Variants in SPIDR observed in about 807,000 individuals in gnomAD.
SPIDR encodes the protein scaffold protein involved in DNA repair.
A neutral mutation model predicts 104.6 loss-of-function variants in SPIDR; 93 were observed. The ratio of observed to expected loss-of-function variants is 0.89; its 90% confidence interval spans 0.75 to 1.06. The LOEUF (loss-of-function observed/expected upper bound fraction) is 1.06, where lower values mean the gene tolerates loss of function less well. SPIDR is among the 50% of genes least tolerant of loss of function. The pLI is 0.00. For missense variants in SPIDR, 1,154 were observed against 1,111.2 expected (o/e 1.04, Z -0.55); for synonymous variants, 431 against 416.9 (o/e 1.03, Z -0.41).
chr8:47,299,537 A>C (rs1586571683), intron 5 of SPIDR, among the ~76,000 whole-genome samples: 1 of 152,274 alleles, frequency 6.6e-6, no homozygotes, highest in African/African-American at 2.4e-5. Flanking sequence ...CCCGTTTTCA[A>C]AGGGAATGCT....
Position 47,700,473 on chromosome 8 carries a change from G to T in SPIDR, c.1756G>T (p.Asp586Tyr), listed in dbSNP as rs555963240. ...PAIPLKTPGR[D>Y]QPCEEIKTHL... ...GATACCTCTGAAAACACCTGGCCGC[G>T]ACCAGCCCTGTGAAGAGGTAAGCCC... is the stretch of plus-strand genomic sequence containing the variant. Residue 586 changes from aspartate to tyrosine, a missense_variant, in exon 12 of 20, where the codon GAC (aspartate) becomes TAC (tyrosine). Physicochemically the swap from Asp to Tyr is radical, Grantham distance 160. Transcript: ENST00000297423. 1 of 1,614,100 alleles carries T rather than the reference G, an allele frequency of 6.2e-7. No homozygotes were observed. Among genetic ancestry groups the T allele is most frequent in the South Asian group, 1.1e-5 (1 of 91,066 alleles).
chr8:47,593,398 A>G (rs1333479374), intron 8 of SPIDR, among the ~76,000 whole-genome samples: 1 of 150,938 alleles, frequency 6.6e-6, no homozygotes, highest in African/African-American at 2.4e-5. Flanking sequence ...ATTTTTTTTC[A>G]TTTGTCTCAA....
chr8:47,316,686 C>T (rs1475789506), intron 5 of SPIDR, among the ~76,000 whole-genome samples: 1 of 151,958 alleles, frequency 6.6e-6, no homozygotes, highest in South Asian at 2.1e-4. Context: ...GTGCTGTCTT[C>T]GATAGTGGGG....
In SPIDR at chr8:47,565,812, A is replaced by G. The variant is rs1019362874; in HGVS notation, c.1098-29999A>G. Reference sequence around the variant, plus strand: ...TGTCTCAAATTATTTAAACAATCCCATATTGTTTAACCTATATTAACAAGA... The same window carrying G: ...TGTCTCAAATTATTTAAACAATCCCGTATTGTTTAACCTATATTAACAAGA... On this transcript the variant is annotated intron_variant, in intron 8 of 19. Coordinates refer to ENST00000297423, the MANE Select transcript of SPIDR (RefSeq NM_001080394.4). Among the ~76,000 whole-genome samples, 3 of 150,176 alleles carry G rather than the reference A, an allele frequency of 2.0e-5. No individual in the cohort carries two copies. In the East Asian group the frequency reaches 5.8e-4, roughly 29 times the overall value.
chr8:47,510,968 C>T (rs1390053147), intron 8 of SPIDR: 4 of 645,662 alleles, frequency 6.2e-6, no homozygotes, highest in South Asian at 1.8e-5. Context: ...AGGGATGATC[C>T]CCATGGGGCA....
intron 8 of SPIDR, among the ~76,000 whole-genome samples, chr8:47,469,496 A>G (rs1156491567): frequency 6.6e-6 from 1 of 152,208 alleles, no homozygotes; most frequent in African/African-American, 2.4e-5. Flanking sequence ...TAGACTGAAC[A>G]AAGAAAATGT....
chr8:47,303,024 G>A (rs1244401913), intron 5 of SPIDR, among the ~76,000 whole-genome samples: 1 of 152,206 alleles, frequency 6.6e-6, no homozygotes, highest in Non-Finnish European at 1.5e-5. Context: ...GTTTTGTTTG[G>A]TTATGCCCTG....
At chr8:47,707,118 G>A (rs962363128) in intron 14 of SPIDR, among the ~76,000 whole-genome samples, 2 of 152,048 alleles carry the variant, frequency 1.3e-5, no homozygotes, top group African/African-American at 4.8e-5. Context: ...GCTGGGTATG[G>A]TGGTGCACGC....
chr8:47,421,041 C>G (rs2065353742), intron 7 of SPIDR, among the ~76,000 whole-genome samples: 1 of 152,188 alleles, frequency 6.6e-6, no homozygotes, highest in Admixed American at 6.5e-5. Context: ...CTGCCCTTAA[C>G]ATTTTTTCCT....
At chr8:47,706,415 A>G (rs2081094342) in intron 14 of SPIDR, among the ~76,000 whole-genome samples, 1 of 152,098 alleles carries the variant, frequency 6.6e-6, no homozygotes, top group African/African-American at 2.4e-5. Context: ...AACAAAAAAC[A>G]AGAAACTGAC....
chr8:47,691,795 G>A (rs908384405), intron 11 of SPIDR, among the ~76,000 whole-genome samples: 8 of 152,152 alleles, frequency 5.3e-5, no homozygotes, highest in Admixed American at 2.0e-4. Context: ...TGGGCACACC[G>A]GGGGTTACAT....
chr8:47,283,908 G>GGTAAAGGAAATCAGAGAAGAATAT (rs2154228359), intron 2 of SPIDR, 120 bp from the exon 3 acceptor site: 1 of 662,040 alleles, frequency 1.5e-6, no homozygotes, highest in East Asian at 2.6e-5. Flanking sequence ...TTGGTGAATT[G>GGTAAAGGAAATCAGAGAAGAATAT]GTAAAGGAAA....
At position 47,685,505 on chromosome 8, in the gene SPIDR, A is replaced by ATTTTT. The variant is rs201735323; in HGVS notation, c.1685+11567_1685+11568insTTTTT. 7.7e-4 allele frequency among the ~76,000 whole-genome samples: 80 copies of ATTTTT among 104,402 alleles called. 3 individuals carry two copies. The highest frequency in any genetic ancestry group is 1.2e-3 in the Non-Finnish European group (49 of 41,634). The allele number at this position is 104,402 out of a possible 152,430, so 68.5% of individuals were successfully genotyped here. On this transcript the variant is annotated intron_variant, in intron 11 of 19. Coordinates refer to ENST00000297423, the MANE Select transcript of SPIDR (RefSeq NM_001080394.4). ...TATTTATTTATTTATTTATTTATTT[A>ATTTTT]TTTATTTATTTATTTTTTTGAGACA...
At chr8:47,430,284 A>C (rs540105046) in intron 7 of SPIDR, among the ~76,000 whole-genome samples, 19 of 152,316 alleles carry the variant, frequency 1.2e-4, no homozygotes, top group African/African-American at 4.6e-4. Context: ...TGGCAGCAAG[A>C]CACAAACACC....
intron 11 of SPIDR, among the ~76,000 whole-genome samples, chr8:47,675,723 G>T (rs1464484644): frequency 6.6e-6 from 1 of 152,236 alleles, no homozygotes; most frequent in Non-Finnish European, 1.5e-5. Context: ...TGAGGCATGA[G>T]AATTGCTTGA....
At chr8:47,691,782 C>T (rs933942471) in intron 11 of SPIDR, among the ~76,000 whole-genome samples, 4 of 152,160 alleles carry the variant, frequency 2.6e-5, no homozygotes, top group South Asian at 4.1e-4. Flanking sequence ...TTAGCAGGAC[C>T]GATGGGCACA....
At chr8:47,548,984 G>A (rs1348636600) in intron 8 of SPIDR, among the ~76,000 whole-genome samples, 1 of 152,024 alleles carries the variant, frequency 6.6e-6, no homozygotes, top group Non-Finnish European at 1.5e-5. Flanking sequence ...GTGTTCTCAT[G>A]GTTCACTTCC....
chr8:47,542,384 T>C (rs940590930), intron 8 of SPIDR, among the ~76,000 whole-genome samples: 8 of 151,842 alleles, frequency 5.3e-5, no homozygotes, highest in Admixed American at 5.3e-4. Context: ...GTTGCGTGAG[T>C]GACTGGAGAG....
intron 5 of SPIDR, among the ~76,000 whole-genome samples, chr8:47,307,921 GTGT>G (rs2043386438): frequency 6.6e-6 from 1 of 151,972 alleles, no homozygotes; most frequent in African/African-American, 2.4e-5. Context: ...AAGGACAGTT[GTGT>G]TGTTTTATTT....
Sources: allele counts gnomAD v4.1 joint callset (sites outside exome capture counted in the v4.1 genomes callset), GRCh38; gene constraint gnomAD v4.1.1; transcripts MANE v1.5; gene names NCBI Gene and HGNC (gene_info 2026-07-23, HGNC 2026-07-21).